The following SHROOM2 variants were observed in gnomAD, a reference collection of about 807,000 sequenced individuals.
SHROOM2 encodes the protein shroom family member 2.
A neutral mutation model predicts 75.9 loss-of-function variants in SHROOM2; 33 were observed. That is an observed-to-expected ratio of 0.43 (90% CI 0.33 to 0.58). The LOEUF is 0.58. SHROOM2 is among the 20% of genes least tolerant of loss of function. SHROOM2 has a pLI of 0.04. For missense variants in SHROOM2, 1,434 were observed against 1,461.2 expected (o/e 0.98, Z 0.30); for synonymous variants, 655 against 663.6 (o/e 0.99, Z 0.20).
chrX:9,881,075 G>A (rs1017907948), intron 2 of SHROOM2, among the ~76,000 whole-genome samples: 2 of 111,380 alleles, frequency 1.8e-5, no homozygotes, highest in Admixed American at 9.6e-5. Flanking sequence ...TGACAGCATT[G>A]ATGGGGAGGT....
At chrX:9,857,671 G>C (rs1319804940) in intron 1 of SHROOM2, among the ~76,000 whole-genome samples, 1 of 111,620 alleles carries the variant, frequency 9.0e-6, no homozygotes, top group Non-Finnish European at 1.9e-5. Flanking sequence ...TTATAGGTGT[G>C]AGTCACTGTG....
intron 1 of SHROOM2, among the ~76,000 whole-genome samples, chrX:9,791,570 A>G (rs1402308039): frequency 8.9e-6 from 1 of 112,135 alleles, no homozygotes; most frequent in African/African-American, 3.2e-5. Flanking sequence ...CAGTGGGGCA[A>G]TTCATGAAGG....
chrX:9,924,738 C>T (rs1204526771), intron 5 of SHROOM2, among the ~76,000 whole-genome samples: 1 of 111,993 alleles, frequency 8.9e-6, no homozygotes, highest in African/African-American at 3.2e-5. Flanking sequence ...TCACTGCAAC[C>T]TTGAACTCCC....
Position 9,896,240 on chromosome X carries a change from T to C in SHROOM2, c.2332T>C (p.Tyr778His), listed in dbSNP as rs1197808329. Residue 778 changes from tyrosine to histidine, a missense_variant, in exon 4 of 10, where the codon TAC becomes CAC. Transcript: ENST00000380913. ...GAACGAGGTGGGCCTCACGAGGGGC[T>C]ACAGTCCTCACCAGCACCCCAGGAC... ...KMNEVGLTRG[Y>H]SPHQHPRTSE... 2.5e-6 allele frequency: 3 copies of C among 1,211,979 alleles called. No individual in the cohort carries two copies. The highest frequency in any genetic ancestry group is 3.3e-6 in the Non-Finnish European group (3 of 895,552).
chrX:9,908,336 G>A (rs1051756587), intron 5 of SHROOM2, among the ~76,000 whole-genome samples: 6 of 112,190 alleles, frequency 5.3e-5, no homozygotes, highest in Admixed American at 9.5e-5. Context: ...CCAAGACTAA[G>A]AGGTGAGGAG....
rs780769473 is a variant in SHROOM2 at position 9,910,686 on chromosome X, G to A, written c.2891+12396G>A. Among the ~76,000 whole-genome samples, 89 of 109,925 alleles carry A rather than the reference G, an allele frequency of 8.1e-4. 1 individual carries two copies. The highest frequency in any genetic ancestry group is 2.8e-3 in the African/African-American group (85 of 30,204). On this transcript the variant is annotated intron_variant, in intron 5 of 9. Transcript: ENST00000380913. ...ACAAAAATTAGCTGGGCATGGTGGC[G>A]TGCACCTGTAATCTCAGCTACTCGG... is the stretch of plus-strand genomic sequence containing the variant.
intron 1 of SHROOM2, among the ~76,000 whole-genome samples, chrX:9,851,458 TC>T (rs1350193693): frequency 0.023 from 1,807 of 78,283 alleles, 126 homozygotes; most frequent in African/African-American, 0.083. Flanking sequence ...TTTTTTTTTT[TC>T]TTTTTTTTTT....
intron 1 of SHROOM2, among the ~76,000 whole-genome samples, chrX:9,859,358 G>A (rs1171373315): frequency 8.9e-6 from 1 of 112,387 alleles, no homozygotes; most frequent in Non-Finnish European, 1.9e-5. Context: ...ATTGCCTATT[G>A]CATTGCGACC....
Position 9,930,995 on chromosome X carries a change from G to A in SHROOM2, c.2892-1180G>A, listed in dbSNP as rs773781454. 4.3e-3 allele frequency among the ~76,000 whole-genome samples: 475 copies of A among 109,685 alleles called. 1 individual carries two copies. Among genetic ancestry groups the A allele is most frequent in the African/African-American group, 0.015 (452 of 30,203 alleles). The stretch of plus-strand genomic sequence containing the variant: ...TGACCTCAAGTGATCCACCCGCCTC[G>A]GCCTCCCAAAGTGCTGGGATTACAG... On this transcript the variant is annotated intron_variant, in intron 5 of 9. Transcript: ENST00000380913.
intron 3 of SHROOM2, 55 bp downstream of exon 3, chrX:9,891,163 C>A: frequency 8.8e-7 from 1 of 1,135,850 alleles, no homozygotes; most frequent in Non-Finnish European, 1.2e-6. Flanking sequence ...CTGCAGGGAG[C>A]GCACTCCTGA....
At chrX:9,795,874 C>A (rs1215444590) in intron 1 of SHROOM2, among the ~76,000 whole-genome samples, 1 of 110,269 alleles carries the variant, frequency 9.1e-6, no homozygotes, top group Non-Finnish European at 1.9e-5. Context: ...CTCAGCTGGG[C>A]GAGGGTGATC....
At chrX:9,858,610 T>C (rs965174777) in intron 1 of SHROOM2, among the ~76,000 whole-genome samples, 3 of 111,249 alleles carry the variant, frequency 2.7e-5, no homozygotes, top group African/African-American at 9.8e-5. Flanking sequence ...GAGACCAGCT[T>C]GGCCAACATG....
At chrX:9,919,324 C>CTT (rs55905923) in intron 5 of SHROOM2, among the ~76,000 whole-genome samples, 2,383 of 32,417 alleles carry the variant, frequency 0.074, 709 homozygotes, top group African/African-American at 0.24. Context: ...GAGGAGGTTG[C>CTT]TTTTTTTTTT....
intron 2 of SHROOM2, among the ~76,000 whole-genome samples, chrX:9,879,277 A>AT (rs1271407782): frequency 9.1e-6 from 1 of 109,305 alleles, no homozygotes; most frequent in Non-Finnish European, 1.9e-5. Context: ...TATTTTTTCT[A>AT]TTTTTTTGAG....
intron 5 of SHROOM2, among the ~76,000 whole-genome samples, chrX:9,903,495 G>A (rs2084375575): frequency 1.8e-5 from 2 of 112,238 alleles, no homozygotes; most frequent in South Asian, 7.4e-4. Flanking sequence ...AACGGTAGCT[G>A]TAGGAGAGAG....
At chrX:9,899,261 CAAAAAAA>C (rs139411655) in intron 5 of SHROOM2, among the ~76,000 whole-genome samples, 1 of 97,394 alleles carries the variant, frequency 1.0e-5, no homozygotes. Context: ...GACCCTGTCT[CAAAAAAA>C]AAAAAATAGT....
chrX:9,914,508 C>T (rs1471692889), intron 5 of SHROOM2, among the ~76,000 whole-genome samples: 1 of 110,913 alleles, frequency 9.0e-6, no homozygotes, highest in Non-Finnish European at 1.9e-5. Flanking sequence ...CCATCTTTCC[C>T]CTGTCCTCGG....
chrX:9,855,067 CTT>C (rs199702519), intron 1 of SHROOM2, among the ~76,000 whole-genome samples: 1 of 101,525 alleles, frequency 9.8e-6, no homozygotes, highest in East Asian at 3.1e-4. Flanking sequence ...GTGGTCCACT[CTT>C]TTTAAAAAAA....
At chrX:9,809,326 G>A (rs749279267) in intron 1 of SHROOM2, among the ~76,000 whole-genome samples, 7 of 110,843 alleles carry the variant, frequency 6.3e-5, no homozygotes, top group Admixed American at 9.7e-5. Context: ...TCCTTTTCAC[G>A]CCTTTTTGTC....
Sources: allele counts gnomAD v4.1 joint callset (sites outside exome capture counted in the v4.1 genomes callset), GRCh38; gene constraint gnomAD v4.1.1; transcripts MANE v1.5; gene names NCBI Gene and HGNC (gene_info 2026-07-23, HGNC 2026-07-21).